The following CDH4 variants were observed in gnomAD, a reference collection of about 807,000 sequenced individuals.
CDH4 encodes cadherin 4.
Under a neutral mutation model 86.0 loss-of-function variants are expected in CDH4, and 33 were observed. That is an observed-to-expected ratio of 0.38 (90% CI 0.29 to 0.51). The LOEUF (loss-of-function observed/expected upper bound fraction) is 0.51. CDH4 is among the 20% of genes least tolerant of loss of function. The probability of loss-of-function intolerance (pLI) is 0.86; values close to 1 mark genes in which losing one functional copy is unlikely to be tolerated. For missense variants in CDH4, 1,114 were observed against 1,307.4 expected, an observed-to-expected ratio of 0.85 and a Z score of 2.28; for synonymous variants, 555 against 549.4, an observed-to-expected ratio of 1.01 and a Z score of -0.14.
At chr20:61,668,105 A>T (rs1286415768) in intron 2 of CDH4, among the ~76,000 whole-genome samples, 2 of 152,228 alleles carry the variant, frequency 1.3e-5, no homozygotes, top group African/African-American at 4.8e-5. Flanking sequence ...TATCTTTTAA[A>T]TTCTCCAACC....
intron 2 of CDH4, among the ~76,000 whole-genome samples, chr20:61,609,452 G>A (rs2086668586): frequency 6.6e-6 from 1 of 152,122 alleles, no homozygotes; most frequent in Admixed American, 6.5e-5. Context: ...TCTTTCCAGT[G>A]TGTGTGTGTT....
At chr20:61,907,435 C>T (rs764942576) in intron 8 of CDH4, among the ~76,000 whole-genome samples, 1 of 152,124 alleles carries the variant, frequency 6.6e-6, no homozygotes, top group Non-Finnish European at 1.5e-5. Context: ...ATCAGGCAGG[C>T]AGCTCCCTGT....
intron 2 of CDH4, among the ~76,000 whole-genome samples, chr20:61,565,187 GTCCTC>G (rs2086264911): frequency 1.0e-4 from 8 of 77,908 alleles, no homozygotes; most frequent in South Asian, 5.2e-4. Flanking sequence ...GGTGGTGGTG[GTCCTC>G]TTGGTGGTGG....
intron 2 of CDH4, among the ~76,000 whole-genome samples, chr20:61,714,228 A>G (rs1338309884): frequency 6.6e-6 from 1 of 151,670 alleles, no homozygotes; most frequent in Non-Finnish European, 1.5e-5. Flanking sequence ...TTGTATTTTT[A>G]GTAGAGACGG....
chr20:61,541,370 C>G (rs1055158931), intron 2 of CDH4, among the ~76,000 whole-genome samples: 1 of 152,188 alleles, frequency 6.6e-6, no homozygotes, highest in Non-Finnish European at 1.5e-5. Context: ...GGTCGGCACC[C>G]TCTGCTGATG....
chr20:61,641,632 CA>C (rs2087011593), intron 2 of CDH4, among the ~76,000 whole-genome samples: 1 of 151,618 alleles, frequency 6.6e-6, no homozygotes, highest in East Asian at 1.9e-4. Context: ...CCTGACCCAC[CA>C]GGCACCACAG....
chr20:61,367,171 TC>T (rs1429518058), intron 2 of CDH4, among the ~76,000 whole-genome samples: 2 of 152,018 alleles, frequency 1.3e-5, no homozygotes, highest in African/African-American at 2.4e-5. Context: ...AGCCGTCACT[TC>T]CCCCAGGCCA....
intron 2 of CDH4, among the ~76,000 whole-genome samples, chr20:61,554,284 C>T (rs773419930): frequency 1.3e-5 from 2 of 152,306 alleles, no homozygotes; most frequent in South Asian, 2.1e-4. Context: ...GTAGGTGAAT[C>T]GGACTCTCAG....
At chr20:61,634,145 A>G (rs1456986269) in intron 2 of CDH4, among the ~76,000 whole-genome samples, 1 of 152,132 alleles carries the variant, frequency 6.6e-6, no homozygotes, top group Admixed American at 6.5e-5. Context: ...CGAGTGACAC[A>G]TTTCATGAAA....
At chr20:61,305,261 A>G (rs1037698212) in intron 2 of CDH4, among the ~76,000 whole-genome samples, 18 of 152,064 alleles carry the variant, frequency 1.2e-4, no homozygotes, top group African/African-American at 3.9e-4. Context: ...CAGAGGGGGA[A>G]GAAACCTTCC....
intron 9 of CDH4, among the ~76,000 whole-genome samples, chr20:61,913,391 A>G (rs2054871999): frequency 6.6e-6 from 1 of 152,232 alleles, no homozygotes; most frequent in Admixed American, 6.5e-5. Flanking sequence ...TGCGCGGAGC[A>G]TCACAGCCAC....
intron 2 of CDH4, among the ~76,000 whole-genome samples, chr20:61,260,260 C>T (rs773202115): frequency 2.0e-5 from 3 of 152,166 alleles, no homozygotes; most frequent in African/African-American, 4.8e-5. Context: ...TTGATGTCTG[C>T]ACCTAGCACA....
At chr20:61,887,526 C>T (rs752603852) in intron 7 of CDH4, among the ~76,000 whole-genome samples, 20 of 147,358 alleles carry the variant, frequency 1.4e-4, no homozygotes, top group Non-Finnish European at 2.6e-4. Flanking sequence ...CACACATGCA[C>T]ACACACAATA....
intron 15 of CDH4, among the ~76,000 whole-genome samples, chr20:61,934,717 G>GCCCC (rs200122965): frequency 2.7e-5 from 4 of 148,800 alleles, no homozygotes; most frequent in African/African-American, 1.0e-4. Flanking sequence ...AGGCCAACTT[G>GCCCC]CCCCCCCTCC....
At chr20:61,303,866 C>T (rs1483771732) in intron 2 of CDH4, among the ~76,000 whole-genome samples, 3 of 152,200 alleles carry the variant, frequency 2.0e-5, no homozygotes, top group Non-Finnish European at 4.4e-5. Flanking sequence ...GCCTGGATCC[C>T]AGGAGGTCCG....
intron 6 of CDH4, among the ~76,000 whole-genome samples, chr20:61,871,005 TTATA>T (rs1983779749): frequency 6.6e-6 from 1 of 151,832 alleles, no homozygotes; most frequent in South Asian, 2.1e-4. Flanking sequence ...TATTTATCCT[TTATA>T]TAAACATTAC....
At chr20:61,794,965 G>T (rs1243595658) in intron 4 of CDH4, among the ~76,000 whole-genome samples, 1 of 151,492 alleles carries the variant, frequency 6.6e-6, no homozygotes, top group Non-Finnish European at 1.5e-5. Flanking sequence ...AGTTTTCTTG[G>T]TTTCTTAAAT....
chr20:61,766,544 C>G (rs944229061), intron 3 of CDH4, among the ~76,000 whole-genome samples: 1 of 152,212 alleles, frequency 6.6e-6, no homozygotes, highest in African/African-American at 2.4e-5. Flanking sequence ...ACCACATTCA[C>G]CCCACACCTG....
chr20:61,484,358 G>C (rs2085584412), intron 2 of CDH4, among the ~76,000 whole-genome samples: 1 of 152,058 alleles, frequency 6.6e-6, no homozygotes, highest in Non-Finnish European at 1.5e-5. Context: ...TCTCCCTAAA[G>C]CCTCTGCAGA....
Sources: gnomAD v4.1 joint callset for allele counts (sites outside exome capture counted in the v4.1 genomes callset) on GRCh38, gnomAD v4.1.1 for gene constraint, MANE v1.5 for transcripts, NCBI Gene and HGNC (gene_info 2026-07-23, HGNC 2026-07-21) for gene names.